FAM210B: variants seen among roughly 807,000 people sequenced by gnomAD.
FAM210B encodes family with sequence similarity 210 member B.
FAM210B carries 11 observed loss-of-function variants against 14.9 expected under a neutral mutation model. That is an observed-to-expected ratio of 0.74 (90% CI 0.46 to 1.22). The LOEUF (loss-of-function observed/expected upper bound fraction) is 1.22. FAM210B is among the 50% of genes most tolerant of loss of function. FAM210B has a pLI of 0.00. For missense variants in FAM210B, 229 were observed against 250.1 expected, an observed-to-expected ratio of 0.92 and a Z score of 0.57; for synonymous variants, 113 against 110.2, an observed-to-expected ratio of 1.03 and a Z score of -0.16.
At position 56,359,408 on chromosome 20, in the gene FAM210B, G is replaced by A. The variant is rs1313044892; in HGVS notation, c.186+217G>A. Among the ~76,000 whole-genome samples, 1 of 152,248 alleles carries A rather than the reference G, an allele frequency of 6.6e-6. No homozygotes were observed. The highest frequency in any genetic ancestry group is 2.4e-5 in the African/African-American group (1 of 41,478). ...CAGAGAAACTGAGGCTCGGGAAGGT[G>A]TGGCGCTCTGCCCAAGGTCGCGCAG... On this transcript the variant is annotated intron_variant, in intron 1 of 2. Transcript: ENST00000371384. The surrounding 1 kb of genome is among the most constrained non-coding windows in gnomAD (Gnocchi z 4.3).
In FAM210B at chr20:56,359,003, A is replaced by C. The variant is rs1296798912; in HGVS notation, c.-3A>C. The C allele has an allele frequency of 2.5e-5, 33 of 1,295,616 alleles. No individual in the cohort carries two copies. Among genetic ancestry groups the C allele is most frequent in the African/African-American group, 3.1e-5 (2 of 63,682 alleles). The allele number at this position is 1,295,616 out of a possible 1,614,324, so 80.3% of individuals were successfully genotyped here. ...GCGCGGGTGCTGCGCCTAGCTGCGC[A>C]CCATGGCCGGGTTGCTGGCGTTGCT... On this transcript the variant is annotated 5_prime_UTR_variant, in exon 1 of 3. Coordinates refer to ENST00000371384, the MANE Select transcript of FAM210B (RefSeq NM_080821.3). The surrounding 1 kb of genome is among the most constrained non-coding windows in gnomAD (Gnocchi z 4.3).
In FAM210B at chr20:56,366,173, A is replaced by C. The variant is rs774656877; in HGVS notation, c.465A>C (p.Ala155=). The change falls in exon 3 of 3, where the codon GCA becomes GCC. Residue 155 remains alanine, a synonymous_variant. Coordinates refer to ENST00000371384, the MANE Select transcript of FAM210B (RefSeq NM_080821.3). Reference sequence around the variant, plus strand: ...CAAGTACCTTCGTGGTGGCCTATGCAATCCACAAGCTGTTTGCGCCAGTGA... The same window carrying C: ...CAAGTACCTTCGTGGTGGCCTATGCCATCCACAAGCTGTTTGCGCCAGTGA... ...AGTSTFVVAY[A]IHKLFAPVRI... is the part of the protein sequence containing the mutation. The C allele has an allele frequency of 6.2e-7, 1 of 1,614,188 alleles. No homozygotes were observed. The highest frequency in any genetic ancestry group is 1.7e-5 in the Admixed American group (1 of 60,022).
chr20:56,359,166 C>T lies in FAM210B; in HGVS notation c.161C>T (p.Ala54Val). The part of the protein sequence containing the change: ...PRLDARLLRT[A>V]RGDCRGHQDP... ...CTAGACGCCCGGCTGCTCCGCACGGCGCGCGGGGACTGCCGCGGCCACCAG... is the reference window on the plus strand; with the variant it reads ...CTAGACGCCCGGCTGCTCCGCACGGTGCGCGGGGACTGCCGCGGCCACCAG... Residue 54 changes from alanine (A) to valine (V), a missense_variant, in exon 1 of 3, where the codon GCG becomes GTG. Around this residue, in one of 3 missense-constraint regions of FAM210B, gnomAD observed 144 missense variants for 132.5 expected, o/e 1.09. Coordinates refer to ENST00000371384, the MANE Select transcript of FAM210B (RefSeq NM_080821.3). The surrounding 1 kb of genome is among the most constrained non-coding windows in gnomAD (Gnocchi z 4.3). 1 of 1,238,608 alleles carries T rather than the reference C, an allele frequency of 8.1e-7. No homozygotes were observed. The highest frequency in any genetic ancestry group is 1.0e-6 in the Non-Finnish European group (1 of 994,802). The allele number at this position is 1,238,608 out of a possible 1,614,324, so 76.7% of individuals were successfully genotyped here.
intron 1 of FAM210B, chr20:56,360,440 C>T (rs1983510516): frequency 1.7e-5 from 6 of 344,784 alleles, no homozygotes; most frequent in South Asian, 8.6e-5. Flanking sequence ...CAGCTCAGGC[C>T]CTGGCACTGG....
rs527508815 is a variant in FAM210B, at chr20:56,365,541, C to G, written c.362+279C>G. On this transcript the variant is annotated intron_variant, in intron 2 of 2. Transcript: ENST00000371384. ...TTGTTTTGGGGGACGGACTCTCGCTCTGTTGCCAGACTGGAGTGCAGTGGC... is the reference window on the plus strand; with the variant it reads ...TTGTTTTGGGGGACGGACTCTCGCTGTGTTGCCAGACTGGAGTGCAGTGGC... 1.0e-3 allele frequency among the ~76,000 whole-genome samples: 156 copies of G among 152,108 alleles called. 1 individual carries two copies. The highest frequency in any genetic ancestry group is 3.7e-3 in the African/African-American group (154 of 41,486).
Position 56,359,269 on chromosome 20 carries a change from C to G in FAM210B, c.186+78C>G, listed in dbSNP as rs1206697869. The G allele has an allele frequency of 8.4e-7, 1 of 1,196,872 alleles. No individual in the cohort carries two copies. The highest frequency in any genetic ancestry group is 1.6e-5 in the African/African-American group (1 of 63,054). The allele number at this position is 1,196,872 out of a possible 1,614,324, so 74.1% of individuals were successfully genotyped here. ...TCCGCAGGGCCGCGCCGGGGTCCGG[C>G]CGCCTCCGCCAAGGACGCCTTTGCA... On this transcript the variant is annotated intron_variant, in intron 1 of 2. Transcript: ENST00000371384. This position sits in a 1 kb window ranked among gnomAD's most constrained non-coding sequence, Gnocchi z 4.3.
At position 56,363,084 on chromosome 20, in the gene FAM210B, G is replaced by A. The variant is rs1474724673; in HGVS notation, c.187-2003G>A. Among the ~76,000 whole-genome samples, 1 of 152,236 alleles carries A rather than the reference G, an allele frequency of 6.6e-6. No individual in the cohort carries two copies. The highest frequency in any genetic ancestry group is 1.5e-5 in the Non-Finnish European group (1 of 68,042). ...TCAGAAGGCTTCAAGGAAACGGGAGGTCACATGTGCTGGCCAAAGAAAGGG... is the reference window on the plus strand; with the variant it reads ...TCAGAAGGCTTCAAGGAAACGGGAGATCACATGTGCTGGCCAAAGAAAGGG... On this transcript the variant is annotated intron_variant, in intron 1 of 2. Coordinates refer to ENST00000371384, the MANE Select transcript of FAM210B (RefSeq NM_080821.3). The surrounding 1 kb of genome is among the most constrained non-coding windows in gnomAD (Gnocchi z 4.1).
In FAM210B at chr20:56,359,709, T is replaced by G. The variant is rs1344958059; in HGVS notation, c.186+518T>G. Among the ~76,000 whole-genome samples the G allele has an allele frequency of 3.9e-5, 6 of 152,204 alleles. No individual in the cohort carries two copies. Among genetic ancestry groups the G allele is most frequent in the Admixed American group, 3.3e-4 (5 of 15,288 alleles). ...TCCATTGGTGCTAAGTGAAAACTGG[T>G]TTTCCTTCAGAGCAGTCATACCAGC... On this transcript the variant is annotated intron_variant, in intron 1 of 2. Transcript: ENST00000371384. The surrounding 1 kb of genome is among the most constrained non-coding windows in gnomAD (Gnocchi z 4.3).
At position 56,362,618 on chromosome 20, in the gene FAM210B, A is replaced by C. The variant is rs565936723; in HGVS notation, c.187-2469A>C. Among the ~76,000 whole-genome samples the C allele has an allele frequency of 6.6e-6, 1 of 152,266 alleles. No homozygotes were observed. The highest frequency in any genetic ancestry group is 2.1e-4 in the South Asian group (1 of 4,824). On this transcript the variant is annotated intron_variant, in intron 1 of 2. Transcript: ENST00000371384. The surrounding 1 kb of genome is among the most constrained non-coding windows in gnomAD (Gnocchi z 4.8). ...TTTTTATCAAAACAAAAGGAATAAA[A>C]TTGTCCAGTAACTGGGTGTTCTCTA... is the stretch of plus-strand genomic sequence containing the variant.
In FAM210B at chr20:56,365,184, A is replaced by G; in HGVS notation, c.284A>G (p.Glu95Gly). ...CAGCAACTGAAAAAGATTTTTCAAGAGTATGGCACTGTTGGCGTGTCATTG... is the reference window on the plus strand; with the variant it reads ...CAGCAACTGAAAAAGATTTTTCAAGGGTATGGCACTGTTGGCGTGTCATTG... ...KSQQLKKIFQ[E>G]YGTVGVSLHI... Residue 95 changes from glutamate to glycine, a missense_variant, in exon 2 of 3, where the codon GAG becomes GGG. Around this residue, in one of 3 missense-constraint regions of FAM210B, gnomAD observed 144 missense variants for 132.5 expected, o/e 1.09. Transcript: ENST00000371384. 3.1e-6 allele frequency: 5 copies of G among 1,614,198 alleles called. No homozygotes were observed. Among genetic ancestry groups the G allele is most frequent in the Non-Finnish European group, 4.2e-6 (5 of 1,180,038 alleles).
chr20:56,359,324 A>G lies in FAM210B; in HGVS notation c.186+133A>G, dbSNP rs950685171. 60 of 928,724 alleles carry G rather than the reference A, an allele frequency of 6.5e-5. No homozygotes were observed. The highest frequency in any genetic ancestry group is 7.8e-5 in the Non-Finnish European group (56 of 721,554). 57.5% of individuals were successfully genotyped at this position (928,724 alleles called of 1,614,324 possible). On this transcript the variant is annotated intron_variant, in intron 1 of 2. Coordinates refer to ENST00000371384, the MANE Select transcript of FAM210B (RefSeq NM_080821.3). The surrounding 1 kb of genome is among the most constrained non-coding windows in gnomAD (Gnocchi z 4.3). ...TAGCTGCCCGGGACCGAGCTCTTCC[A>G]GGGTCCCCGAAACCCCAAATCCCTG... is the stretch of plus-strand genomic sequence containing the variant.
At position 56,362,598 on chromosome 20, in the gene FAM210B, A is replaced by G. The variant is rs1983555871; in HGVS notation, c.187-2489A>G. ...ACAGTGCTTATAGATGGGTGTTTTT[A>G]TCAAAACAAAAGGAATAAAATTGTC... On this transcript the variant is annotated intron_variant, in intron 1 of 2. Transcript: ENST00000371384. This position sits in a 1 kb window ranked among gnomAD's most constrained non-coding sequence, Gnocchi z 4.8. 6.6e-6 allele frequency among the ~76,000 whole-genome samples: 1 copy of G among 152,176 alleles called. No individual in the cohort carries two copies. Among genetic ancestry groups the G allele is most frequent in the Non-Finnish European group, 1.5e-5 (1 of 68,036 alleles).
Position 56,366,113 on chromosome 20 carries a change from A to T in FAM210B, c.405A>T (p.Lys135Asn). Reference sequence around the variant, plus strand: ...CAATCCTGCTGAAACTCGGATTTAAAGAGTCCCTGGTACAGTCAAAAATGG... The same window carrying T: ...CAATCCTGCTGAAACTCGGATTTAATGAGTCCCTGGTACAGTCAAAAATGG... Reference protein sequence around the residue: ...MPAILLKLGFKESLVQSKMAA... With the variant: ...MPAILLKLGFNESLVQSKMAA... The change falls in exon 3 of 3, where the codon AAA (lysine) becomes AAT (asparagine). Residue 135 changes from lysine to asparagine, a missense_variant. Lys to Asn is a moderately conservative substitution (Grantham distance 94, BLOSUM62 0). This residue lies in a region of FAM210B where 32 missense variants were observed against 62.2 expected (regional missense o/e 0.51). Coordinates refer to ENST00000371384, the MANE Select transcript of FAM210B (RefSeq NM_080821.3). 6.2e-7 allele frequency: 1 copy of T among 1,614,208 alleles called. No individual in the cohort carries two copies. The highest frequency in any genetic ancestry group is 8.5e-7 in the Non-Finnish European group (1 of 1,180,032).
intron 1 of FAM210B, 149 bp from the exon 2 acceptor site, chr20:56,364,938 A>G: frequency 1.4e-6 from 1 of 710,998 alleles, no homozygotes; most frequent in South Asian, 2.3e-5. Flanking sequence ...TGGATGACAG[A>G]GTGAGACTCT....
chr20:56,361,005 G>T (rs953619492), intron 1 of FAM210B, among the ~76,000 whole-genome samples: 1 of 152,206 alleles, frequency 6.6e-6, no homozygotes, highest in African/African-American at 2.4e-5. Context: ...GCCCACCCAC[G>T]CTGCCTTGGC....
chr20:56,367,112 A>C lies in FAM210B; in HGVS notation c.*825A>C, dbSNP rs988197522. 1.3e-5 allele frequency: 2 copies of C among 152,576 alleles called. No individual in the cohort carries two copies. The highest frequency in any genetic ancestry group is 3.2e-3 in the Middle Eastern group (1 of 316). The allele number at this position is 152,576 out of a possible 1,614,324, so 9.5% of individuals were successfully genotyped here. A position where few individuals can be genotyped will look rare whatever the true frequency, so the allele number is the denominator to read the frequency against. On this transcript the variant is annotated 3_prime_UTR_variant, in exon 3 of 3. Coordinates refer to ENST00000371384, the MANE Select transcript of FAM210B (RefSeq NM_080821.3). ...CTATCTCAAACTTCAGACATTCCAGAATTGTCATGATGTTTACACTGTCTG... is the reference window on the plus strand; with the variant it reads ...CTATCTCAAACTTCAGACATTCCAGCATTGTCATGATGTTTACACTGTCTG...
chr20:56,365,308 A>G (rs1428196917), intron 2 of FAM210B, 46 bp downstream of exon 2: 2 of 1,581,806 alleles, frequency 1.3e-6, no homozygotes, highest in Non-Finnish European at 1.7e-6. Flanking sequence ...ACTGTCATGT[A>G]AGATTCTATG....
In FAM210B at chr20:56,362,983, G is replaced by A. The variant is rs1287177032; in HGVS notation, c.187-2104G>A. On this transcript the variant is annotated intron_variant, in intron 1 of 2. Transcript: ENST00000371384. The surrounding 1 kb of genome is among the most constrained non-coding windows in gnomAD (Gnocchi z 4.8). ...CCCTCTGCAGCCTCCCTCAGCAGCT[G>A]GAGGTGGGTGGGGCTTGTTTATCAG... Among the ~76,000 whole-genome samples the A allele has an allele frequency of 6.6e-6, 1 of 152,202 alleles. No homozygotes were observed. Among genetic ancestry groups the A allele is most frequent in the African/African-American group, 2.4e-5 (1 of 41,444 alleles).
At chr20:56,365,578 T>A (rs547590669) in intron 2 of FAM210B, among the ~76,000 whole-genome samples, 63 of 152,254 alleles carry the variant, frequency 4.1e-4, no homozygotes, top group African/African-American at 1.5e-3. Context: ...TGATCTCGGC[T>A]CACTGCAAGC....
Sources: gnomAD v4.1 joint callset for allele counts (sites outside exome capture counted in the v4.1 genomes callset) on GRCh38, gnomAD v4.1.1 for gene constraint, gnomAD v4.1.1 regional missense constraint, Gnocchi (gnomAD v3.1) non-coding constraint, MANE v1.5 for transcripts, NCBI Gene and HGNC (gene_info 2026-07-23, HGNC 2026-07-21) for gene names.